Variants in CDH13 observed in about 807,000 individuals in gnomAD.
CDH13 encodes the protein cadherin-13.
Under a neutral mutation model 63.8 loss-of-function variants are expected in CDH13, and 24 were observed. That is an observed-to-expected ratio of 0.38 (90% confidence interval 0.27 to 0.53). CDH13 has a LOEUF of 0.53. CDH13 is among the 20% of genes least tolerant of loss of function. The pLI is 0.85. For synonymous variants in CDH13, 503 were observed against 355.3 expected, an observed-to-expected ratio of 1.42 and a Z score of -4.67; for missense variants, 1,049 against 903.1, an observed-to-expected ratio of 1.16 and a Z score of -2.07.
At chr16:82,710,547 AAAAAAATATATATATAT>A (rs2031838291) in intron 1 of CDH13, among the ~76,000 whole-genome samples, 3 of 105,570 alleles carry the variant, frequency 2.8e-5, no homozygotes, top group Admixed American at 1.2e-4. Context: ...AAAAAAAAAA[AAAAAAATATATATATAT>A]ATATATATAT....
chr16:83,577,082 A>G (rs895168589), intron 7 of CDH13, among the ~76,000 whole-genome samples: 40 of 152,236 alleles, frequency 2.6e-4, no homozygotes, highest in African/African-American at 9.2e-4. Flanking sequence ...TTACTAATTT[A>G]TAGCTCCCTG....
At chr16:83,200,704 G>C in intron 4 of CDH13, among the ~76,000 whole-genome samples, 1 of 152,194 alleles carries the variant, frequency 6.6e-6, no homozygotes, top group East Asian at 1.9e-4. Flanking sequence ...CCAAAGACTT[G>C]CATGGATGGT....
intron 6 of CDH13, among the ~76,000 whole-genome samples, chr16:83,400,860 C>A (rs565604047): frequency 1.3e-5 from 2 of 152,108 alleles, no homozygotes; most frequent in African/African-American, 4.8e-5. Context: ...CTTTAAAATT[C>A]GGTCCTGTAA....
At chr16:82,738,304 T>C (rs2033776399) in intron 1 of CDH13, among the ~76,000 whole-genome samples, 1 of 152,234 alleles carries the variant, frequency 6.6e-6, no homozygotes, top group South Asian at 2.1e-4. Flanking sequence ...AGTTGGCTTC[T>C]TACCTGGCTT....
At chr16:83,781,789 G>T (rs187339201) in intron 12 of CDH13, among the ~76,000 whole-genome samples, 20 of 151,290 alleles carry the variant, frequency 1.3e-4, no homozygotes, top group Admixed American at 1.3e-3. Flanking sequence ...GCAGAGGGGG[G>T]TGAGCATCAG....
chr16:83,067,006 G>T (rs995131869), intron 3 of CDH13, among the ~76,000 whole-genome samples: 7 of 152,178 alleles, frequency 4.6e-5, no homozygotes, highest in African/African-American at 1.7e-4. Flanking sequence ...GTACTGCAAA[G>T]TTGCCTCCAG....
chr16:83,361,453 T>G (rs1461538516), intron 6 of CDH13, among the ~76,000 whole-genome samples: 1 of 152,198 alleles, frequency 6.6e-6, no homozygotes, highest in Admixed American at 6.5e-5. Context: ...ACTTGTCAAT[T>G]TTTGTTTTCC....
intron 10 of CDH13, among the ~76,000 whole-genome samples, chr16:83,703,645 C>G (rs1048812392): frequency 6.6e-6 from 1 of 152,180 alleles, no homozygotes; most frequent in Non-Finnish European, 1.5e-5. Context: ...ATGTTTTCTT[C>G]ACACTGTCTT....
At chr16:83,352,591 A>G (rs974735596) in intron 6 of CDH13, among the ~76,000 whole-genome samples, 7 of 152,240 alleles carry the variant, frequency 4.6e-5, no homozygotes, top group Admixed American at 3.3e-4. Context: ...CTATTCAGCC[A>G]TATAAAAGTA....
In CDH13 at chr16:83,670,797, C is replaced by G; in HGVS notation, c.1109C>G (p.Ala370Gly). 6.2e-7 allele frequency: 1 copy of G among 1,613,860 alleles called. No homozygotes were observed. Among genetic ancestry groups the G allele is most frequent in the East Asian group, 2.2e-5 (1 of 44,872 alleles). ...SPKFTKKEFQ[A>G]TVEEGAVGVI... ...CATCTGCTTTGTTTGCAGTTTCAAG[C>G]CACAGTCGAGGAAGGAGCTGTGGGA... Residue 370 changes from alanine (A) to glycine (G), a missense_variant, in exon 9 of 14, where the codon GCC becomes GGC. By Grantham distance (60) the Ala-to-Gly change is moderately conservative. Transcript: ENST00000567109.
chr16:83,248,829 T>G (rs776273407), intron 5 of CDH13, among the ~76,000 whole-genome samples: 14 of 152,136 alleles, frequency 9.2e-5, no homozygotes, highest in Non-Finnish European at 1.8e-4. Flanking sequence ...ACCACAGAAC[T>G]CTCCCCTGGA....
At chr16:83,771,267 C>G (rs1914742849) in intron 11 of CDH13, among the ~76,000 whole-genome samples, 1 of 152,174 alleles carries the variant, frequency 6.6e-6, no homozygotes, top group South Asian at 2.1e-4. Flanking sequence ...AAGTCATGAG[C>G]CAACCAGACC....
chr16:83,334,180 C>A (rs772758665), intron 5 of CDH13, among the ~76,000 whole-genome samples: 1 of 152,130 alleles, frequency 6.6e-6, no homozygotes, highest in African/African-American at 2.4e-5. Flanking sequence ...CTTCCTCCCT[C>A]TTAACGACTC....
chr16:83,426,986 G>C (rs765249748), intron 6 of CDH13, among the ~76,000 whole-genome samples: 1 of 137,252 alleles, frequency 7.3e-6, no homozygotes, highest in African/African-American at 2.8e-5. Flanking sequence ...GAGTGCAGTG[G>C]CGTGATCTCG....
chr16:83,048,832 T>C (rs12926454), intron 3 of CDH13, among the ~76,000 whole-genome samples: 8,334 of 152,212 alleles, frequency 0.055, 326 homozygotes, highest in Middle Eastern at 0.11. Context: ...GGTCAAATCT[T>C]CCCAGGCGAA....
At position 82,644,310 on chromosome 16, in the gene CDH13, G is replaced by GC. The variant is rs953972105; in HGVS notation, c.45+17179dup. 5.3e-5 allele frequency among the ~76,000 whole-genome samples: 8 copies of GC among 151,904 alleles called. No homozygotes were observed. The highest frequency in any genetic ancestry group is 2.1e-4 in the South Asian group (1 of 4,802). ...AGTGCTCATCACTCTGCAAATCAAG[G>GC]CCCCCCGAACTCCTCCCACCCCTGC... is the stretch of plus-strand genomic sequence containing the variant. On this transcript the variant is annotated intron_variant, in intron 1 of 13. Transcript: ENST00000567109. The surrounding 1 kb of genome is among the most constrained non-coding windows in gnomAD (Gnocchi z 5.7).
chr16:82,840,684 C>CACAAAAAAAAAAA (rs1555527844), intron 1 of CDH13, among the ~76,000 whole-genome samples: 1 of 86,750 alleles, frequency 1.2e-5, no homozygotes. Flanking sequence ...GAATCCATCT[C>CACAAAAAAAAAAA]AAAAAAAAAA....
intron 2 of CDH13, among the ~76,000 whole-genome samples, chr16:82,913,236 A>C (rs1291227957): frequency 6.6e-6 from 1 of 152,098 alleles, no homozygotes; most frequent in East Asian, 1.9e-4. Flanking sequence ...ATTTTTTCCA[A>C]AGGGCAGGTA....
chr16:83,713,214 C>T (rs747476532), intron 10 of CDH13, among the ~76,000 whole-genome samples: 1 of 152,182 alleles, frequency 6.6e-6, no homozygotes, highest in African/African-American at 2.4e-5. Context: ...ACCCTCTCTC[C>T]GTCTAACGGG....
Sources: gnomAD v4.1 joint callset for allele counts (sites outside exome capture counted in the v4.1 genomes callset) on GRCh38, gnomAD v4.1.1 for gene constraint, Gnocchi (gnomAD v3.1) non-coding constraint, MANE v1.5 for transcripts, NCBI Gene and HGNC (gene_info 2026-07-23, HGNC 2026-07-21) for gene names.